USH2A: variants seen among roughly 807,000 people sequenced by gnomAD.
USH2A encodes the protein usherin, also known as Usher syndrome 2A (autosomal recessive, mild).
A neutral mutation model predicts 538.9 loss-of-function variants in USH2A; 443 were observed. That is an observed-to-expected ratio of 0.82 (90% CI 0.76 to 0.89). USH2A has a LOEUF of 0.89. Ranked by LOEUF, USH2A falls within the 40% of genes least tolerant of loss-of-function variation. The pLI, the probability that USH2A is intolerant of heterozygous loss-of-function variation, is 0.00. For missense variants in USH2A, 6,633 were observed against 6,324.8 expected (o/e 1.05, Z -1.65); for synonymous variants, 2,413 against 2,273.5 (o/e 1.06, Z -1.75).
intron 49 of USH2A, 91 bp from the exon 50 acceptor site, chr1:215,799,216 C>G: frequency 7.4e-7 from 1 of 1,355,660 alleles, no homozygotes; most frequent in Admixed American, 2.0e-5. Flanking sequence ...TCTTGCAGAT[C>G]CCAACTGATT....
At chr1:215,738,866 G>A (rs1660225815) in intron 60 of USH2A, among the ~76,000 whole-genome samples, 1 of 152,110 alleles carries the variant, frequency 6.6e-6, no homozygotes, top group Non-Finnish European at 1.5e-5. Context: ...AATACTGCAG[G>A]CTGGTGGCTA....
At position 216,357,679 on chromosome 1, in the gene USH2A, G is replaced by A. The variant is rs536709152; in HGVS notation, c.784+7274C>T. ...AAGAAAGTGCTATGCACATTTGAAT[G>A]TATAATGTAGAAATTCTCACCTTTA... On this transcript the variant is annotated intron_variant, in intron 4 of 71. Coordinates refer to ENST00000307340, the MANE Select transcript of USH2A (RefSeq NM_206933.4). 4.7e-4 allele frequency among the ~76,000 whole-genome samples: 71 copies of A among 152,270 alleles called. 1 individual carries two copies. Among genetic ancestry groups the A allele is most frequent in the African/African-American group, 1.7e-3 (69 of 41,572 alleles).
chr1:215,723,330 C>T (rs577680111), intron 61 of USH2A, among the ~76,000 whole-genome samples: 1 of 152,258 alleles, frequency 6.6e-6, no homozygotes, highest in African/African-American at 2.4e-5. Flanking sequence ...CCAACACATA[C>T]GCTTCTCACC....
Position 216,289,174 on chromosome 1 carries a change from G to C in USH2A, c.1971+106C>G. 3 of 1,530,460 alleles carry C rather than the reference G, an allele frequency of 2.0e-6. No individual in the cohort carries two copies. The South Asian group carries it at 3.4e-5, about 17-fold the overall frequency. 94.8% of individuals were successfully genotyped at this position (1,530,460 alleles called of 1,614,324 possible). A position where few individuals can be genotyped will look rare whatever the true frequency, so the allele number is the denominator to read the frequency against. On this transcript the variant is annotated intron_variant, in intron 11 of 71. Coordinates refer to ENST00000307340, the MANE Select transcript of USH2A (RefSeq NM_206933.4). ...TCTTTGAAATGCAAATGCACATAGAGGATTTCCTGGCAAATGCAGTCTTCA... is the reference window on the plus strand; with the variant it reads ...TCTTTGAAATGCAAATGCACATAGACGATTTCCTGGCAAATGCAGTCTTCA...
At chr1:215,784,404 T>C (rs1329590930) in intron 52 of USH2A, among the ~76,000 whole-genome samples, 1 of 152,200 alleles carries the variant, frequency 6.6e-6, no homozygotes, top group African/African-American at 2.4e-5. Context: ...AAACTACTTA[T>C]TGGTAATGAC....
At chr1:216,398,054 T>C (rs1032275907) in intron 3 of USH2A, among the ~76,000 whole-genome samples, 3 of 152,204 alleles carry the variant, frequency 2.0e-5, no homozygotes, top group African/African-American at 7.2e-5. Context: ...CAGTTCACTT[T>C]ACAAAGAGTT....
intron 8 of USH2A, among the ~76,000 whole-genome samples, chr1:216,323,272 C>T (rs973727699): frequency 1.7e-4 from 17 of 98,230 alleles, no homozygotes; most frequent in African/African-American, 3.9e-4. Flanking sequence ...TTATAAAATA[C>T]GTTTTATATA....
intron 43 of USH2A, among the ~76,000 whole-genome samples, chr1:215,875,716 T>A (rs1396867328): frequency 1.3e-5 from 2 of 151,818 alleles, no homozygotes; most frequent in African/African-American, 4.8e-5. Context: ...TCAGTAATGT[T>A]AAAGAGTCAA....
intron 44 of USH2A, among the ~76,000 whole-genome samples, chr1:215,862,185 C>A (rs1416879065): frequency 6.6e-6 from 1 of 152,064 alleles, no homozygotes; most frequent in African/African-American, 2.4e-5. Context: ...ATCTTTTAGC[C>A]AAGTCAGGTA....
chr1:216,042,771 A>G (rs1208827257), intron 32 of USH2A, among the ~76,000 whole-genome samples: 2 of 152,108 alleles, frequency 1.3e-5, no homozygotes, highest in African/African-American at 4.8e-5. Flanking sequence ...TTAAAAATAT[A>G]AATGACCTGA....
rs1166766340 is a variant in USH2A at position 216,232,006 on chromosome 1, T to C, written c.2940A>G (p.Gln980=). The C allele has an allele frequency of 4.3e-6, 7 of 1,613,978 alleles. No individual in the cohort carries two copies. The South Asian group carries it at 7.7e-5, about 18-fold the overall frequency. ...CVCQDASIAG[Q]RCDQCKDHYF... is the part of the protein sequence containing the mutation. ...AATGGTCTTTGCATTGGTCACAACGTTGCCCAGCAATGGAAGCATCTTGGC... is the reference window on the plus strand; with the variant it reads ...AATGGTCTTTGCATTGGTCACAACGCTGCCCAGCAATGGAAGCATCTTGGC... The change falls in exon 14 of 72, where the codon CAA becomes CAG. Residue 980 remains glutamine, a synonymous_variant. Transcript: ENST00000307340.
chr1:216,109,199 T>C (rs2032807543), intron 21 of USH2A, among the ~76,000 whole-genome samples: 1 of 152,202 alleles, frequency 6.6e-6, no homozygotes, highest in African/African-American at 2.4e-5. Flanking sequence ...TGACTTTATC[T>C]TAGCAAAATT....
chr1:216,130,490 A>C, intron 21 of USH2A, among the ~76,000 whole-genome samples: 1 of 148,820 alleles, frequency 6.7e-6, no homozygotes, highest in Non-Finnish European at 1.5e-5. Flanking sequence ...GCTATTAACT[A>C]ATTCCTTTGT....
chr1:215,695,307 A>AT lies in USH2A; in HGVS notation c.12067-14932dup, dbSNP rs202057497. 1.3e-3 allele frequency among the ~76,000 whole-genome samples: 199 copies of AT among 152,302 alleles called. 2 individuals carry two copies. The East Asian group carries it at 0.032, about 24-fold the overall frequency. ...CACTTTTATTGCATTAGGTAGTGAGATTTGGAATTTTATTTGTTACCAGAG... is the reference window on the plus strand; with the variant it reads ...CACTTTTATTGCATTAGGTAGTGAGATTTTGGAATTTTATTTGTTACCAGAG... On this transcript the variant is annotated intron_variant, in intron 61 of 71. Coordinates refer to ENST00000307340, the MANE Select transcript of USH2A (RefSeq NM_206933.4).
chr1:216,009,881 T>A (rs1289452986), intron 32 of USH2A, among the ~76,000 whole-genome samples: 3 of 152,178 alleles, frequency 2.0e-5, no homozygotes, highest in Non-Finnish European at 4.4e-5. Flanking sequence ...AGGTTAATGC[T>A]CCTTTTTCTT....
At chr1:215,931,490 C>T (rs1236245643) in intron 38 of USH2A, among the ~76,000 whole-genome samples, 1 of 151,906 alleles carries the variant, frequency 6.6e-6, no homozygotes, top group East Asian at 1.9e-4. Flanking sequence ...ATATTTCTCA[C>T]CTCCAATACA....
intron 69 of USH2A, among the ~76,000 whole-genome samples, chr1:215,636,628 G>C (rs985918140): frequency 1.3e-5 from 2 of 152,134 alleles, no homozygotes; most frequent in Non-Finnish European, 2.9e-5. Flanking sequence ...TGGGCCCCTT[G>C]CTCCACAGCA....
intron 58 of USH2A, among the ~76,000 whole-genome samples, chr1:215,756,562 C>T (rs1053764571): frequency 6.6e-6 from 1 of 152,122 alleles, no homozygotes; most frequent in South Asian, 2.1e-4. Flanking sequence ...TAGATTGGCT[C>T]TATCCAGCTT....
intron 38 of USH2A, among the ~76,000 whole-genome samples, chr1:215,915,826 G>T (rs1413316201): frequency 6.6e-6 from 1 of 151,746 alleles, no homozygotes; most frequent in Admixed American, 6.6e-5. Context: ...AGAAAATGTG[G>T]CACATATACA....
Sources: allele counts gnomAD v4.1 joint callset (sites outside exome capture counted in the v4.1 genomes callset), GRCh38; gene constraint gnomAD v4.1.1; transcripts MANE v1.5; gene names NCBI Gene and HGNC (gene_info 2026-07-23, HGNC 2026-07-21).